Variants in CLUAP1 observed in about 807,000 individuals in gnomAD.
CLUAP1 encodes the protein intraflagellar transport 38.
In CLUAP1, 50 loss-of-function variants were observed where a neutral mutation model predicts 55.0. That is an observed-to-expected ratio of 0.91 (90% CI 0.72 to 1.15). The LOEUF is 1.15. CLUAP1 is among the 50% of genes most tolerant of loss of function. The probability of loss-of-function intolerance (pLI) is 0.00; values close to 1 mark genes in which losing one functional copy is unlikely to be tolerated. For synonymous variants in CLUAP1, 195 were observed against 175.4 expected, an observed-to-expected ratio of 1.11 and a Z score of -0.88; for missense variants, 530 against 507.6, an observed-to-expected ratio of 1.04 and a Z score of -0.42.
At chr16:3,499,022 C>A (rs2037340247), upstream of CLUAP1, among the ~76,000 whole-genome samples, 1 of 152,154 alleles carries the variant, frequency 6.6e-6, no homozygotes, top group Non-Finnish European at 1.5e-5. Context: ...GATGTTCAAC[C>A]CAATTTTGAA....
chr16:3,511,013 T>C (rs929275540), intron 4 of CLUAP1, among the ~76,000 whole-genome samples: 1 of 150,918 alleles, frequency 6.6e-6, no homozygotes, highest in Non-Finnish European at 1.5e-5. Context: ...AGACGGGGGG[T>C]CCAGGAATGA....
the CLUAP1 span, chr16:3,495,561 T>C: frequency 3.4e-6 from 5 of 1,483,120 alleles, no homozygotes; most frequent in African/African-American, 5.6e-5. Context: ...CCAGCCTTCC[T>C]GGACCCCTAG....
At chr16:3,519,446 G>C (rs1410569293) in intron 6 of CLUAP1, among the ~76,000 whole-genome samples, 1 of 152,242 alleles carries the variant, frequency 6.6e-6, no homozygotes, top group African/African-American at 2.4e-5. Flanking sequence ...GGGACCAGCT[G>C]TTTCTTTCTC....
chr16:3,533,412 G>A (rs952852016), intron 11 of CLUAP1: 12 of 507,712 alleles, frequency 2.4e-5, no homozygotes, highest in Admixed American at 1.6e-4. Flanking sequence ...GAAGGAGGAC[G>A]CCGAGGGCCG....
At chr16:3,505,689 TGACA>T (rs1478558943) in intron 2 of CLUAP1, among the ~76,000 whole-genome samples, 1 of 151,788 alleles carries the variant, frequency 6.6e-6, no homozygotes, top group Non-Finnish European at 1.5e-5. Context: ...CATGGCAGAG[TGACA>T]GGGGCCTTTT....
At chr16:3,507,555 A>G (rs531443457) in intron 3 of CLUAP1, among the ~76,000 whole-genome samples, 10 of 145,962 alleles carry the variant, frequency 6.9e-5, no homozygotes, top group African/African-American at 2.7e-4. Context: ...GTGAGACCCT[A>G]TCTCAAAAAA....
intron 4 of CLUAP1, among the ~76,000 whole-genome samples, chr16:3,512,140 C>G (rs769010179): frequency 6.8e-6 from 1 of 148,090 alleles, no homozygotes; most frequent in African/African-American, 2.5e-5. Context: ...GAGCCGAGAT[C>G]GCGCTATCAC....
upstream of CLUAP1, among the ~76,000 whole-genome samples, chr16:3,500,412 C>T (rs537755896): frequency 2.7e-4 from 40 of 150,084 alleles, no homozygotes; most frequent in African/African-American, 9.6e-4. Context: ...GCTCTGTCGC[C>T]AGGCCGAAGG....
chr16:3,504,630 A>G (rs2037467444), intron 1 of CLUAP1, 90 bp from the exon 2 acceptor site: 1 of 788,366 alleles, frequency 1.3e-6, no homozygotes, highest in African/African-American at 1.7e-5. Context: ...ATAGGTTGGA[A>G]ATAAGAAGGA....
At chr16:3,512,323 C>A in intron 4 of CLUAP1, 60 bp from the exon 5 acceptor site, 1 of 1,319,082 alleles carries the variant, frequency 7.6e-7, no homozygotes, top group Non-Finnish European at 1.1e-6. Context: ...TAGCCAAGAC[C>A]CTGTCTCTAT....
chr16:3,522,681 G>A (rs1210721666), intron 7 of CLUAP1, among the ~76,000 whole-genome samples: 1 of 152,042 alleles, frequency 6.6e-6, no homozygotes, highest in African/African-American at 2.4e-5. Context: ...CTCCCAAAGT[G>A]CTAGGGTTAC....
rs753199820 is a variant in CLUAP1, at chr16:3,520,048, C to G, written c.713+12C>G. ...CTGCAGAGTGTCAGGTAGATATGAA[C>G]ACTTGGAGAATGAGTAGAAAGATGT... is the stretch of plus-strand genomic sequence containing the variant. On this transcript the variant is annotated intron_variant, in intron 7 of 11. Coordinates refer to ENST00000576634, the MANE Select transcript of CLUAP1 (RefSeq NM_015041.3). 10 of 1,597,734 alleles carry G rather than the reference C, an allele frequency of 6.3e-6. No individual in the cohort carries two copies. In the South Asian group the frequency reaches 9.1e-5, roughly 15 times the overall value.
intron 8 of CLUAP1, among the ~76,000 whole-genome samples, chr16:3,524,658 A>G (rs2037907718): frequency 6.6e-6 from 1 of 151,798 alleles, no homozygotes; most frequent in Non-Finnish European, 1.5e-5. Flanking sequence ...TTGAATCACC[A>G]GAATAGCTCA....
chr16:3,532,208 C>T (rs969694115), intron 10 of CLUAP1, among the ~76,000 whole-genome samples: 1 of 152,082 alleles, frequency 6.6e-6, no homozygotes, highest in African/African-American at 2.4e-5. Context: ...TGGGCGTTCT[C>T]GCATTGATAT....
At chr16:3,529,700 A>C (rs868484755) in intron 9 of CLUAP1, among the ~76,000 whole-genome samples, 342 of 26,942 alleles carry the variant, frequency 0.013, 59 homozygotes, top group African/African-American at 0.068. Flanking sequence ...TATATTATAT[A>C]TTATATATTA....
intron 1 of CLUAP1, among the ~76,000 whole-genome samples, chr16:3,501,807 C>A (rs986430905): frequency 1.3e-5 from 2 of 152,056 alleles, no homozygotes; most frequent in Non-Finnish European, 2.9e-5. Flanking sequence ...AAACAACCAG[C>A]AACGAAACCG....
intron 1 of CLUAP1, among the ~76,000 whole-genome samples, chr16:3,501,756 G>C (rs760190866): frequency 5.3e-5 from 8 of 151,808 alleles, no homozygotes; most frequent in Admixed American, 2.0e-4. Flanking sequence ...GGCAACAAGA[G>C]CGAAACAACA....
intron 9 of CLUAP1, among the ~76,000 whole-genome samples, chr16:3,526,749 A>G (rs977624467): frequency 1.3e-5 from 2 of 152,132 alleles, no homozygotes; most frequent in Non-Finnish European, 2.9e-5. Context: ...TATTCACTCA[A>G]GAGTCTGGTT....
chr16:3,506,936 C>T (rs996270882), intron 3 of CLUAP1, among the ~76,000 whole-genome samples: 2 of 152,234 alleles, frequency 1.3e-5, no homozygotes, highest in Middle Eastern at 3.4e-3. Flanking sequence ...GTGGCTCACG[C>T]CTGTAATCCC....
Sources: gnomAD v4.1 joint callset for allele counts (sites outside exome capture counted in the v4.1 genomes callset) on GRCh38, gnomAD v4.1.1 for gene constraint, MANE v1.5 for transcripts, NCBI Gene and HGNC (gene_info 2026-07-23, HGNC 2026-07-21) for gene names.